The following NMRAL1 variants were observed in gnomAD, a reference collection of about 807,000 sequenced individuals.
NMRAL1 encodes NmrA like redox sensor 1, also known as nmrA-like family domain-containing protein 1.
A neutral mutation model predicts 27.5 loss-of-function variants in NMRAL1; 32 were observed. The observed-to-expected ratio is 1.16, with a 90% CI of 0.88 to 1.56. NMRAL1 has a LOEUF of 1.56. Among genes scored for constraint, NMRAL1 ranks in the 40% most tolerant of loss-of-function variants. The pLI is 0.00. For missense variants in NMRAL1, 420 were observed against 392.0 expected, an observed-to-expected ratio of 1.07 and a Z score of -0.60; for synonymous variants, 166 against 166.8, an observed-to-expected ratio of 1.00 and a Z score of 0.04.
chr16:4,468,858 C>T (rs1449709856), intron 3 of NMRAL1, among the ~76,000 whole-genome samples: 3 of 151,876 alleles, frequency 2.0e-5, no homozygotes, highest in Non-Finnish European at 2.9e-5. Context: ...GGTCCAGTCA[C>T]ACCCCAGACC....
At position 4,463,971 on chromosome 16, in the gene NMRAL1, G is replaced by A. The variant is rs1052479252; in HGVS notation, c.530-121C>T. ...CAGTCAGCTGCACACTCCAGCACTCGGGCATAGCTAAGACAAGTCTTGCTA... is the reference window on the plus strand; with the variant it reads ...CAGTCAGCTGCACACTCCAGCACTCAGGCATAGCTAAGACAAGTCTTGCTA... On this transcript the variant is annotated intron_variant, in intron 4 of 5. Coordinates refer to ENST00000283429, the MANE Select transcript of NMRAL1 (RefSeq NM_020677.6). The A allele has an allele frequency of 2.6e-5, 18 of 696,780 alleles. No individual in the cohort carries two copies. The South Asian group carries it at 2.6e-4, about 10-fold the overall frequency. 43.2% of individuals were successfully genotyped at this position (696,780 alleles called of 1,614,324 possible). A position where few individuals can be genotyped will look rare whatever the true frequency, so the allele number is the denominator to read the frequency against.
At chr16:4,464,451 G>C (rs2057235839) in intron 4 of NMRAL1, among the ~76,000 whole-genome samples, 1 of 152,114 alleles carries the variant, frequency 6.6e-6, no homozygotes, top group African/African-American at 2.4e-5. Flanking sequence ...AGGTTTTGTA[G>C]ATGGGGAGGC....
In NMRAL1 at chr16:4,471,051, G is replaced by A. The variant is rs946520895; in HGVS notation, c.41-1586C>T. On this transcript the variant is annotated intron_variant, in intron 2 of 5. Transcript: ENST00000283429. ...GAACCAGGGTGGCAGAGGTTGCAGT[G>A]AGCCGAGATTGGGCCACTGCACTCC... is the stretch of plus-strand genomic sequence containing the variant. 5.3e-5 allele frequency among the ~76,000 whole-genome samples: 8 copies of A among 152,162 alleles called. No individual in the cohort carries two copies. In the Middle Eastern group the frequency reaches 0.01, roughly 194 times the overall value.
rs763676996 is a variant in NMRAL1 at position 4,461,790 on chromosome 16, T to A, written c.890A>T (p.Asn297Ile). Reference protein sequence around the residue: ...QWLEQHKGDFNLL With the variant: ...QWLEQHKGDFILL ...CGCGAGGCGGGCAGGTCACAGCAGG[T>A]TGAAGTCCCCTTTGTGCTGTTCCAG... is the stretch of plus-strand genomic sequence containing the variant. The change falls in exon 6 of 6, where the codon AAC becomes ATC. Residue 297 changes from asparagine to isoleucine, a missense_variant. Transcript: ENST00000283429. The A allele has an allele frequency of 1.7e-5, 28 of 1,612,096 alleles. No homozygotes were observed. Among genetic ancestry groups the A allele is most frequent in the Non-Finnish European group, 2.4e-5 (28 of 1,179,192 alleles).
intron 1 of NMRAL1, 100 bp downstream of exon 1, chr16:4,474,454 C>T: frequency 3.0e-6 from 1 of 334,388 alleles, no homozygotes; most frequent in Non-Finnish European, 5.6e-6. Flanking sequence ...GGACAAGTTC[C>T]AGGAGCCCGG....
upstream of NMRAL1, chr16:4,474,880 A>G (rs1409407138): frequency 1.3e-5 from 2 of 152,168 alleles, no homozygotes; most frequent in African/African-American, 2.4e-5. Context: ...AATTAAAGCT[A>G]TGTCCATGAG....
chr16:4,463,798 A>T lies in NMRAL1; in HGVS notation c.582T>A (p.Gly194=). The T allele has an allele frequency of 6.2e-7, 1 of 1,614,080 alleles. No homozygotes were observed. The highest frequency in any genetic ancestry group is 1.7e-5 in the Admixed American group (1 of 60,018). Residue 194 remains glycine (G), a synonymous_variant, in exon 5 of 6, where the codon GGT becomes GGA. Coordinates refer to ENST00000283429, the MANE Select transcript of NMRAL1 (RefSeq NM_020677.6). ...TCTTCAAAAGGCTGAGCACCACAGG[A>T]CCCAGGTCAGACACGGACATGCCAT... ...PMDGMSVSDL[G]PVVLSLLKMP...
At chr16:4,469,198 G>A (rs747391973) in intron 3 of NMRAL1, 29 bp downstream of exon 3, 1 of 1,523,880 alleles carries the variant, frequency 6.6e-7, no homozygotes, top group Non-Finnish European at 9.1e-7. Flanking sequence ...GCCTGGCCGG[G>A]CCTCCCTGCA....
At chr16:4,466,821 C>CATTTTTTTA in intron 3 of NMRAL1, 2 of 212,958 alleles carry the variant, frequency 9.4e-6, no homozygotes, top group Non-Finnish European at 1.9e-5. Context: ...CAGGCTCTGC[C>CATTTTTTTA]ATGTACGAGC....
chr16:4,464,755 C>G (rs1263007359), intron 4 of NMRAL1, among the ~76,000 whole-genome samples: 1 of 151,624 alleles, frequency 6.6e-6, no homozygotes, highest in African/African-American at 2.4e-5. Flanking sequence ...GCTGGGACTA[C>G]AGGCGCCTGC....
At chr16:4,467,959 T>C (rs1240431957) in intron 3 of NMRAL1, among the ~76,000 whole-genome samples, 1 of 151,954 alleles carries the variant, frequency 6.6e-6, no homozygotes, top group Non-Finnish European at 1.5e-5. Context: ...GTGGTCCTTT[T>C]TCGTGACAGT....
chr16:4,466,058 A>C, intron 4 of NMRAL1, 95 bp downstream of exon 4: 1 of 1,484,302 alleles, frequency 6.7e-7, no homozygotes, highest in Non-Finnish European at 9.2e-7. Context: ...CACGGCTTGA[A>C]CCTGGCACCA....
At chr16:4,463,523 A>T in intron 5 of NMRAL1, 137 bp downstream of exon 5, 3 of 703,940 alleles carry the variant, frequency 4.3e-6, no homozygotes, top group Non-Finnish European at 6.9e-6. Context: ...CTGGAACAGC[A>T]GAAAATAAAC....
chr16:4,474,957 T>G (rs1227806115), upstream of NMRAL1: 2 of 152,192 alleles, frequency 1.3e-5, no homozygotes, highest in East Asian at 3.8e-4. Flanking sequence ...AATTTTATTA[T>G]TTTTATTTTT....
At chr16:4,462,963 T>G (rs983817646) in intron 5 of NMRAL1, among the ~76,000 whole-genome samples, 4 of 152,050 alleles carry the variant, frequency 2.6e-5, no homozygotes, top group Admixed American at 2.6e-4. Context: ...CAAGCGATTC[T>G]CTTGCCTCAG....
At chr16:4,475,264 C>T (rs4786500), upstream of NMRAL1, among the ~76,000 whole-genome samples, 107,433 of 151,766 alleles carry the variant, frequency 0.71, 38,153 homozygotes, top group Non-Finnish European at 0.73. Context: ...TAACTCACTT[C>T]TGAAGTTGCT....
chr16:4,474,472 A>C (rs2057750125), intron 1 of NMRAL1, 82 bp downstream of exon 1: 1 of 295,296 alleles, frequency 3.4e-6, no homozygotes, highest in African/African-American at 2.2e-5. Flanking sequence ...CGGGACCCCG[A>C]TTCTGCGGCC....
intron 3 of NMRAL1, 128 bp downstream of exon 3, chr16:4,469,099 A>G: frequency 1.5e-6 from 1 of 684,398 alleles, no homozygotes; most frequent in Non-Finnish European, 2.6e-6. Flanking sequence ...CACAGCCTAG[A>G]GCAGGCAGAG....
At position 4,474,173 on chromosome 16, in the gene NMRAL1, G is replaced by T. The variant is rs201839812; in HGVS notation, c.-34-7C>A. ...ACGAATCCGGTCCAGAGATCTGGGG[G>T]TAATGGGAGGCGTGGAGTTGGGGGT... On this transcript the variant is annotated splice_polypyrimidine_tract_variant and splice_region_variant and intron_variant, in intron 1 of 5. Transcript: ENST00000283429. The T allele has an allele frequency of 1.2e-6, 2 of 1,600,084 alleles. No homozygotes were observed. Among genetic ancestry groups the T allele is most frequent in the Non-Finnish European group, 1.7e-6 (2 of 1,171,446 alleles).
Sources: allele counts gnomAD v4.1 joint callset (sites outside exome capture counted in the v4.1 genomes callset), GRCh38; gene constraint gnomAD v4.1.1; transcripts MANE v1.5; gene names NCBI Gene and HGNC (gene_info 2026-07-23, HGNC 2026-07-21).